Variants in CHST11 observed in about 807,000 individuals in gnomAD.
The protein encoded by CHST11 is carbohydrate sulfotransferase 11, also known as C4S-1.
In CHST11, 9 loss-of-function variants were observed where a neutral mutation model predicts 30.4. That is an observed-to-expected ratio of 0.30 (90% CI 0.18 to 0.52). The LOEUF (loss-of-function observed/expected upper bound fraction) is 0.52. Among genes scored for constraint, CHST11 ranks in the 20% least tolerant of loss-of-function variants. The pLI is 0.97. For synonymous variants in CHST11, 152 were observed against 187.8 expected (o/e 0.81, Z 1.56); for missense variants, 348 against 460.6 (o/e 0.76, Z 2.24).
intron 2 of CHST11, among the ~76,000 whole-genome samples, chr12:104,646,281 G>A (rs7297636): frequency 6.6e-6 from 1 of 152,040 alleles, no homozygotes; most frequent in African/African-American, 2.4e-5. Context: ...GGCCTTTGCT[G>A]GCAGTGTTCC....
At chr12:104,462,623 G>C (rs1418765454) in intron 1 of CHST11, among the ~76,000 whole-genome samples, 2 of 152,076 alleles carry the variant, frequency 1.3e-5, no homozygotes, top group South Asian at 4.2e-4. Flanking sequence ...ATTTGTAGGG[G>C]CTGTTCTTAT....
intron 1 of CHST11, among the ~76,000 whole-genome samples, chr12:104,518,433 T>G (rs2038045895): frequency 6.6e-6 from 1 of 152,132 alleles, no homozygotes; most frequent in Non-Finnish European, 1.5e-5. Context: ...TAAGGGATAT[T>G]CAGAGGTTGT....
rs1236664678 is a variant in CHST11, at chr12:104,619,213, GT to G, written c.204+17225del. Among the ~76,000 whole-genome samples the G allele has an allele frequency of 2.6e-5, 4 of 152,318 alleles. No individual in the cohort carries two copies. The East Asian group carries it at 7.7e-4, about 29-fold the overall frequency. Reference sequence around the variant, plus strand: ...GCGCCTGTGCCGGCTACACCTCTCGGTTTCCTGGATTGTCAGCTTCTCCTAG... The same window carrying G: ...GCGCCTGTGCCGGCTACACCTCTCGGTTCCTGGATTGTCAGCTTCTCCTAG... On this transcript the variant is annotated intron_variant, in intron 2 of 2. Coordinates refer to ENST00000303694, the MANE Select transcript of CHST11 (RefSeq NM_018413.6).
chr12:104,462,749 T>C (rs979090430), intron 1 of CHST11, among the ~76,000 whole-genome samples: 9 of 152,306 alleles, frequency 5.9e-5, no homozygotes, highest in East Asian at 3.9e-4. Flanking sequence ...CCCATAAATA[T>C]ATACAACTAC....
Position 104,481,288 on chromosome 12 carries a change from G to C in CHST11, c.118+23759G>C, listed in dbSNP as rs372118010. On this transcript the variant is annotated intron_variant, in intron 1 of 2. Transcript: ENST00000303694. The stretch of plus-strand genomic sequence containing the variant: ...TCTGCCTTCTTTCAGTGCCTTATGA[G>C]CACCACACTCTTGCCACGTCACGAA... Among the ~76,000 whole-genome samples, 17 of 152,228 alleles carry C rather than the reference G, an allele frequency of 1.1e-4. No homozygotes were observed. In the South Asian group the frequency reaches 2.5e-3, roughly 22 times the overall value.
chr12:104,544,138 A>AAAAAAAAGAAAGAAAGAAAG, intron 1 of CHST11, among the ~76,000 whole-genome samples: 1 of 71,726 alleles, frequency 1.4e-5, no homozygotes. Flanking sequence ...AAAAAAAAAA[A>AAAAAAAAGAAAGAAAGAAAG]AAAGAAAGAA....
chr12:104,677,697 A>T (rs764393709), intron 2 of CHST11, among the ~76,000 whole-genome samples: 2 of 152,258 alleles, frequency 1.3e-5, no homozygotes, highest in Non-Finnish European at 2.9e-5. Flanking sequence ...ACGGAAGTTC[A>T]AATGTGGCGC....
chr12:104,468,620 A>G (rs2037481180), intron 1 of CHST11, among the ~76,000 whole-genome samples: 1 of 152,198 alleles, frequency 6.6e-6, no homozygotes, highest in East Asian at 1.9e-4. Flanking sequence ...CCCATCAAAG[A>G]ATCATTCTGC....
At chr12:104,702,733 C>T (rs931208643) in intron 2 of CHST11, among the ~76,000 whole-genome samples, 2 of 152,232 alleles carry the variant, frequency 1.3e-5, no homozygotes, top group African/African-American at 2.4e-5. Flanking sequence ...TCTTCAAGCA[C>T]GTTGTGAACA....
chr12:104,706,039 T>C (rs1465695261), intron 2 of CHST11, among the ~76,000 whole-genome samples: 2 of 151,912 alleles, frequency 1.3e-5, no homozygotes, highest in African/African-American at 2.4e-5. Context: ...TGAGCTGTGA[T>C]TGCACCACTG....
chr12:104,744,522 C>G (rs1015439737), intron 2 of CHST11, among the ~76,000 whole-genome samples: 1 of 152,010 alleles, frequency 6.6e-6, no homozygotes, highest in East Asian at 1.9e-4. Context: ...ATGCATAGTT[C>G]GTAAAAATTT....
At chr12:104,652,447 A>C (rs1287742360) in intron 2 of CHST11, among the ~76,000 whole-genome samples, 1 of 152,240 alleles carries the variant, frequency 6.6e-6, no homozygotes, top group African/African-American at 2.4e-5. Context: ...GTGAGGAGAC[A>C]GTCACGGGAG....
At chr12:104,715,288 C>T (rs1046480058) in intron 2 of CHST11, among the ~76,000 whole-genome samples, 3 of 152,126 alleles carry the variant, frequency 2.0e-5, no homozygotes, top group Non-Finnish European at 4.4e-5. Context: ...GCAGGAGAAT[C>T]GCTTGAGCCC....
At chr12:104,735,693 G>T (rs1042380631) in intron 2 of CHST11, among the ~76,000 whole-genome samples, 2 of 152,230 alleles carry the variant, frequency 1.3e-5, no homozygotes, top group African/African-American at 4.8e-5. Context: ...AATCACAGGG[G>T]TCCAGTGCCC....
intron 2 of CHST11, among the ~76,000 whole-genome samples, chr12:104,671,307 C>G (rs776372560): frequency 7.9e-5 from 12 of 152,162 alleles, no homozygotes; most frequent in Non-Finnish European, 1.6e-4. Flanking sequence ...AGCAGGGCTG[C>G]TTGGTTGAAA....
chr12:104,509,829 T>C (rs768240885), intron 1 of CHST11, among the ~76,000 whole-genome samples: 1 of 152,220 alleles, frequency 6.6e-6, no homozygotes, highest in Non-Finnish European at 1.5e-5. Flanking sequence ...CATGAACTTC[T>C]GTAACGTAAG....
chr12:104,537,501 C>T (rs2038247992), intron 1 of CHST11, among the ~76,000 whole-genome samples: 1 of 152,192 alleles, frequency 6.6e-6, no homozygotes, highest in Admixed American at 6.5e-5. Flanking sequence ...TACTTAACTT[C>T]ACCAACCCAC....
At chr12:104,653,011 T>TA (rs2039508268) in intron 2 of CHST11, among the ~76,000 whole-genome samples, 1 of 152,182 alleles carries the variant, frequency 6.6e-6, no homozygotes. Flanking sequence ...ACACATAACC[T>TA]AAAATGTGCC....
At chr12:104,457,796 TTTTTTTTTCTTCTTC>T (rs1484677260) in intron 1 of CHST11, among the ~76,000 whole-genome samples, 2 of 148,610 alleles carry the variant, frequency 1.3e-5, no homozygotes, top group Non-Finnish European at 3.0e-5. Flanking sequence ...TTTTTTTTTT[TTTTTTTTTCTTCTTC>T]TTTTTTTCTT....
Sources: allele counts gnomAD v4.1 joint callset (sites outside exome capture counted in the v4.1 genomes callset), GRCh38; gene constraint gnomAD v4.1.1; transcripts MANE v1.5; gene names NCBI Gene and HGNC (gene_info 2026-07-23, HGNC 2026-07-21).